Variants in OSBPL9 observed in about 807,000 individuals in gnomAD.
OSBPL9 encodes the protein oxysterol binding protein like 9, also known as oxysterol-binding protein-related protein 9.
In OSBPL9, 40 loss-of-function variants were observed where a neutral mutation model predicts 106.6. The ratio of observed to expected loss-of-function variants is 0.38; its 90% CI spans 0.29 to 0.49. The LOEUF is 0.49. Ranked by LOEUF, OSBPL9 falls within the 20% of genes least tolerant of loss-of-function variation. The pLI, the probability that OSBPL9 is intolerant of heterozygous loss-of-function variation, is 0.97. For missense variants in OSBPL9, 609 were observed against 887.2 expected, an observed-to-expected ratio of 0.69 and a Z score of 3.98; for synonymous variants, 269 against 295.4, an observed-to-expected ratio of 0.91 and a Z score of 0.92.
At chr1:51,686,499 C>G (rs1214670144) in intron 3 of OSBPL9, among the ~76,000 whole-genome samples, 1 of 152,234 alleles carries the variant, frequency 6.6e-6, no homozygotes, top group Non-Finnish European at 1.5e-5. Context: ...AGCATCCTTC[C>G]TACACTGACT....
At chr1:51,690,214 A>G (rs1277652173) in intron 3 of OSBPL9, among the ~76,000 whole-genome samples, 1 of 152,198 alleles carries the variant, frequency 6.6e-6, no homozygotes, top group Non-Finnish European at 1.5e-5. Flanking sequence ...TTTACAGATA[A>G]ATTTGGTGAG....
At position 51,787,920 on chromosome 1, in the gene OSBPL9, G is replaced by T; in HGVS notation, c.*131G>T. 1 of 785,204 alleles carries T rather than the reference G, an allele frequency of 1.3e-6. No homozygotes were observed. 48.6% of individuals were successfully genotyped at this position (785,204 alleles called of 1,614,324 possible). A position where few individuals can be genotyped will look rare whatever the true frequency, so the allele number is the denominator to read the frequency against. ...CAGTGGTTCCTATCTCAGGGATACT[G>T]GACTTTCTGACGCAGATGAACAATT... On this transcript the variant is annotated 3_prime_UTR_variant, in exon 24 of 24. Transcript: ENST00000428468.
chr1:51,586,931 C>T (rs1268583456), intron 1 of OSBPL9, among the ~76,000 whole-genome samples: 3 of 152,194 alleles, frequency 2.0e-5, no homozygotes, highest in Non-Finnish European at 2.9e-5. Context: ...CAGTTTTCCT[C>T]TCTACTCAGG....
intron 4 of OSBPL9, chr1:51,740,212 G>A: frequency 6.5e-7 from 1 of 1,535,436 alleles, no homozygotes; most frequent in South Asian, 1.2e-5. Flanking sequence ...AAAAATAATT[G>A]TAAGTGATTG....
chr1:51,576,960 T>C (rs1044095982), upstream of OSBPL9, among the ~76,000 whole-genome samples: 6 of 152,194 alleles, frequency 3.9e-5, no homozygotes, highest in African/African-American at 9.6e-5. Flanking sequence ...AATTGTAATT[T>C]CCAATGTTGG....
chr1:51,628,339 T>G (rs1369283969), intron 1 of OSBPL9, among the ~76,000 whole-genome samples: 1 of 152,218 alleles, frequency 6.6e-6, no homozygotes, highest in Non-Finnish European at 1.5e-5. Flanking sequence ...GTATTGTATT[T>G]CTTCAAGAGG....
chr1:51,657,187 G>A (rs1277766367), intron 2 of OSBPL9, among the ~76,000 whole-genome samples: 1 of 152,068 alleles, frequency 6.6e-6, no homozygotes, highest in Non-Finnish European at 1.5e-5. Flanking sequence ...CTTTACTATG[G>A]TTTGCATACA....
chr1:51,555,360 C>T, the OSBPL9 span, among the ~76,000 whole-genome samples: 2 of 151,468 alleles, frequency 1.3e-5, no homozygotes, highest in Admixed American at 1.3e-4. Context: ...CATGGTGGCA[C>T]GTGCCTGTAA....
At chr1:51,550,125 T>A in the OSBPL9 span, among the ~76,000 whole-genome samples, 1 of 152,196 alleles carries the variant, frequency 6.6e-6, no homozygotes, top group East Asian at 1.9e-4. Context: ...AGTTTCCGCA[T>A]CTGTAAAATG....
At chr1:51,539,225 T>G in the OSBPL9 span, among the ~76,000 whole-genome samples, 1 of 152,184 alleles carries the variant, frequency 6.6e-6, no homozygotes, top group Non-Finnish European at 1.5e-5. Context: ...CCAAACCTGC[T>G]TCGCCTCGAG....
chr1:51,639,139 G>A (rs1000626864), intron 1 of OSBPL9, among the ~76,000 whole-genome samples: 7 of 152,102 alleles, frequency 4.6e-5, no homozygotes, highest in South Asian at 2.1e-4. Context: ...TTTATTTACA[G>A]CCTTGTCACT....
intron 4 of OSBPL9, among the ~76,000 whole-genome samples, chr1:51,739,487 A>G (rs1041192989): frequency 6.6e-6 from 1 of 151,988 alleles, no homozygotes; most frequent in Non-Finnish European, 1.5e-5. Flanking sequence ...AGCAGTTGGT[A>G]AGGTAACTAC....
At chr1:51,597,508 C>G (rs559364275) in intron 1 of OSBPL9, among the ~76,000 whole-genome samples, 12 of 150,764 alleles carry the variant, frequency 8.0e-5, no homozygotes, top group African/African-American at 2.7e-4. Flanking sequence ...TATATACACA[C>G]ACACATATAT....
chr1:51,590,628 AAAAAAAAGAAAAAAAAG>A (rs1645270214), intron 1 of OSBPL9, among the ~76,000 whole-genome samples: 1 of 151,232 alleles, frequency 6.6e-6, no homozygotes, highest in African/African-American at 2.4e-5. Context: ...TCAAAAAAAA[AAAAAAAAGAAAAAAAAG>A]AAAAAAAAAG....
chr1:51,776,066 T>C (rs1404119874), intron 14 of OSBPL9, among the ~76,000 whole-genome samples: 1 of 152,248 alleles, frequency 6.6e-6, no homozygotes, highest in African/African-American at 2.4e-5. Context: ...ATTCCCATTC[T>C]CTAATGAAAT....
chr1:51,602,250 C>T (rs1186549203), intron 2 of OSBPL9, among the ~76,000 whole-genome samples: 6 of 151,426 alleles, frequency 4.0e-5, no homozygotes, highest in South Asian at 2.1e-4. Flanking sequence ...CCTCGTGATC[C>T]GCCCGCCGCG....
chr1:51,663,681 A>G (rs549601101), intron 2 of OSBPL9, among the ~76,000 whole-genome samples: 14 of 152,338 alleles, frequency 9.2e-5, no homozygotes, highest in African/African-American at 3.1e-4. Context: ...TTCTTCATCA[A>G]AAGATATCAT....
At chr1:51,595,152 C>G (rs970947968) in intron 1 of OSBPL9, among the ~76,000 whole-genome samples, 1 of 152,170 alleles carries the variant, frequency 6.6e-6, no homozygotes, top group Non-Finnish European at 1.5e-5. Flanking sequence ...AGGGCACCAC[C>G]GCTGAGAGCG....
chr1:51,593,139 CACT>C (rs1645284912), intron 1 of OSBPL9, among the ~76,000 whole-genome samples: 1 of 152,134 alleles, frequency 6.6e-6, no homozygotes, highest in Non-Finnish European at 1.5e-5. Context: ...GTATTCCTAT[CACT>C]ACTACTCTGG....
Sources: gnomAD v4.1 joint callset for allele counts (sites outside exome capture counted in the v4.1 genomes callset) on GRCh38, gnomAD v4.1.1 for gene constraint, MANE v1.5 for transcripts, NCBI Gene and HGNC (gene_info 2026-07-23, HGNC 2026-07-21) for gene names.